Variants in RBM12B observed in about 807,000 individuals in gnomAD.
RBM12B encodes RNA binding motif protein 12B.
In RBM12B, 10 loss-of-function variants were observed where a neutral mutation model predicts 34.3. That is an observed-to-expected ratio of 0.29 (90% CI 0.18 to 0.49). The LOEUF (loss-of-function observed/expected upper bound fraction) is 0.49, where lower values mean the gene tolerates loss of function less well. RBM12B is among the 20% of genes least tolerant of loss of function. The pLI, the probability that RBM12B is intolerant of heterozygous loss-of-function variation, is 0.99. For missense variants in RBM12B, 1,139 were observed against 1,262.7 expected (o/e 0.90, Z 1.48); for synonymous variants, 477 against 437.1 (o/e 1.09, Z -1.14).
rs545458384 is a variant in RBM12B, at chr8:93,730,354, C to A, written c.*3051G>T. ...CACTCCTAACATGATTTTTACCTAT[C>A]TCTTGGTTGTGGGATTGACTTTCTA... On this transcript the variant is annotated 3_prime_UTR_variant, in exon 4 of 4. Coordinates refer to ENST00000520560, the MANE Select transcript of RBM12B (RefSeq NM_001377960.1). 4.6e-5 allele frequency: 7 copies of A among 152,080 alleles called. No individual in the cohort carries two copies. Among genetic ancestry groups the A allele is most frequent in the Non-Finnish European group, 1.0e-4 (7 of 68,024 alleles). 9.4% of individuals were successfully genotyped at this position (152,080 alleles called of 1,614,324 possible). A position where few individuals can be genotyped will look rare whatever the true frequency, so the allele number is the denominator to read the frequency against.
Position 93,728,204 on chromosome 8 carries a change from G to C in RBM12B, c.*5201C>G, listed in dbSNP as rs764816009. On this transcript the variant is annotated 3_prime_UTR_variant, in exon 4 of 4. Coordinates refer to ENST00000520560, the MANE Select transcript of RBM12B (RefSeq NM_001377960.1). ...TTAAAAAGTGTGTTAACTTTTAACA[G>C]GTATCCACTTGTCGACTAAGAAAGG... The C allele has an allele frequency of 1.3e-6, 2 of 1,559,998 alleles. No homozygotes were observed. The highest frequency in any genetic ancestry group is 1.3e-5 in the South Asian group (1 of 79,960).
rs1368943446 is a variant in RBM12B at position 93,735,417 on chromosome 8, T to C, written c.994A>G (p.Lys332Glu). The change falls in exon 4 of 4, where the codon AAG (lysine) becomes GAG (glutamate). Residue 332 changes from lysine to glutamate, a missense_variant. Physicochemically the swap from Lys to Glu is moderately conservative, Grantham distance 56 (BLOSUM62 1). Coordinates refer to ENST00000520560, the MANE Select transcript of RBM12B (RefSeq NM_001377960.1). ...NRTRYAFVMF[K>E]TLKDYNTALS... ...GCGGTATTATAGTCTTTCAGAGTCT[T>C]GAACATCACAAAGGCATATCTTGTT... 1 of 1,613,562 alleles carries C rather than the reference T, an allele frequency of 6.2e-7. No homozygotes were observed. Among genetic ancestry groups the C allele is most frequent in the Non-Finnish European group, 8.5e-7 (1 of 1,179,710 alleles).
chr8:93,737,008 C>T (rs1441081559), intron 3 of RBM12B, among the ~76,000 whole-genome samples: 2 of 152,152 alleles, frequency 1.3e-5, no homozygotes, highest in African/African-American at 4.8e-5. Context: ...GAGTTCAAGA[C>T]CAGCCTTGGC....
At position 93,732,547 on chromosome 8, in the gene RBM12B, T is replaced by C. The variant is rs1159427640; in HGVS notation, c.*858A>G. On this transcript the variant is annotated 3_prime_UTR_variant, in exon 4 of 4. Transcript: ENST00000520560. The stretch of plus-strand genomic sequence containing the variant: ...TCTTCCAGCATAAGCCTGAGTCCCC[T>C]TGCACCTATAATTAGATTCTTATTT... 1.3e-5 allele frequency: 2 copies of C among 152,216 alleles called. No individual in the cohort carries two copies. The highest frequency in any genetic ancestry group is 2.9e-5 in the Non-Finnish European group (2 of 68,040). The allele number at this position is 152,216 out of a possible 1,614,324, so 9.4% of individuals were successfully genotyped here. A position where few individuals can be genotyped will look rare whatever the true frequency, so the allele number is the denominator to read the frequency against.
rs1811999145 is a variant in RBM12B, at chr8:93,735,711, T to G, written c.700A>C (p.Ile234Leu). 6.2e-7 allele frequency: 1 copy of G among 1,614,034 alleles called. No individual in the cohort carries two copies. Among genetic ancestry groups the G allele is most frequent in the Non-Finnish European group, 8.5e-7 (1 of 1,180,038 alleles). Reference protein sequence around the residue: ...EVMQGSEQQWIEFGGNAVKEG... With the variant: ...EVMQGSEQQWLEFGGNAVKEG... ...TTAACTGCATTACCACCAAACTCAA[T>G]CCACTGTTGTTCTGATCCTTGCATT... The change falls in exon 4 of 4, where the codon ATT (isoleucine) becomes CTT (leucine). Residue 234 changes from isoleucine (I) to leucine (L), a missense_variant. Physicochemically the swap from Ile to Leu is conservative, Grantham distance 5. Around this residue, in one of 3 missense-constraint regions of RBM12B, gnomAD observed 216 missense variants for 292.2 expected, o/e 0.74. Transcript: ENST00000520560.
intron 2 of RBM12B, 120 bp from the exon 3 acceptor site, chr8:93,737,475 C>T (rs985424246): frequency 6.6e-6 from 1 of 152,120 alleles, no homozygotes; most frequent in Non-Finnish European, 1.5e-5. Flanking sequence ...TAAGGAACCA[C>T]AATTACGGGT....
rs1811805265 is a variant in RBM12B, at chr8:93,731,890, C to T, written c.*1515G>A. ...ATAGAAAGAAACTTTTAAAGTCACT[C>T]TTTTTTTTTTTATTAGTAATGTTAA... On this transcript the variant is annotated 3_prime_UTR_variant, in exon 4 of 4. Transcript: ENST00000520560. 1 of 146,232 alleles carries T rather than the reference C, an allele frequency of 6.8e-6. No individual in the cohort carries two copies. Among genetic ancestry groups the T allele is most frequent in the African/African-American group, 2.5e-5 (1 of 39,868 alleles). The allele number at this position is 146,232 out of a possible 1,614,324, so 9.1% of individuals were successfully genotyped here.
In RBM12B at chr8:93,728,320, A is replaced by G. The variant is rs765431779; in HGVS notation, c.*5085T>C. ...TAAACTACACATTTCCATTTTCATC[A>G]TAAATGACTTGAAATCCACAATGAC... is the stretch of plus-strand genomic sequence containing the variant. On this transcript the variant is annotated 3_prime_UTR_variant, in exon 4 of 4. Coordinates refer to ENST00000520560, the MANE Select transcript of RBM12B (RefSeq NM_001377960.1). 6.9e-7 allele frequency: 1 copy of G among 1,453,180 alleles called. No individual in the cohort carries two copies. Among genetic ancestry groups the G allele is most frequent in the South Asian group, 1.2e-5 (1 of 80,704 alleles). 90.0% of individuals were successfully genotyped at this position (1,453,180 alleles called of 1,614,324 possible). A position where few individuals can be genotyped will look rare whatever the true frequency, so the allele number is the denominator to read the frequency against.
In RBM12B at chr8:93,736,422, A is replaced by G. The variant is rs1001845687; in HGVS notation, c.-12T>C. The G allele has an allele frequency of 3.2e-6, 5 of 1,545,274 alleles. No homozygotes were observed. The African/African-American group carries it at 6.9e-5, about 21-fold the overall frequency. ...ATGACTACAGCCATGCTGAGCTCAA[A>G]CCACAGCAATAATGACCTGCAGACA... On this transcript the variant is annotated 5_prime_UTR_variant, in exon 4 of 4. Transcript: ENST00000520560.
In RBM12B at chr8:93,734,576, C is replaced by T. The variant is rs748632742; in HGVS notation, c.1835G>A (p.Arg612Lys). ...CCTCCAGTCCTCCTCCCTAGGGTGC[C>T]TGAAGTCATCCTCCGGAGGGCGCCT... ...DFRRPPEDDF[R>K]HPREEDWRRP... The change falls in exon 4 of 4, where the codon AGG becomes AAG. Residue 612 changes from arginine to lysine, a missense_variant. By Grantham distance (26) the Arg-to-Lys change is conservative. This residue lies in a region of RBM12B where 863 missense variants were observed against 869.5 expected (regional missense o/e 0.99). Coordinates refer to ENST00000520560, the MANE Select transcript of RBM12B (RefSeq NM_001377960.1). 1.1e-4 allele frequency: 170 copies of T among 1,613,538 alleles called. No homozygotes were observed. Among genetic ancestry groups the T allele is most frequent in the Non-Finnish European group, 1.4e-4 (166 of 1,179,840 alleles).
At chr8:93,738,070 T>C (rs910913978) in intron 2 of RBM12B, among the ~76,000 whole-genome samples, 3 of 152,148 alleles carry the variant, frequency 2.0e-5, no homozygotes, top group African/African-American at 7.2e-5. Context: ...TATAAACAGC[T>C]CATACATCCA....
Position 93,736,332 on chromosome 8 carries a change from T to C in RBM12B, c.79A>G (p.Thr27Ala), listed in dbSNP as rs1465987466. The change falls in exon 4 of 4, where the codon ACT becomes GCT. Residue 27 changes from threonine to alanine, a missense_variant. By Grantham distance (58) the Thr-to-Ala change is moderately conservative. This residue lies in a region of RBM12B where 216 missense variants were observed against 292.2 expected (regional missense o/e 0.74). Coordinates refer to ENST00000520560, the MANE Select transcript of RBM12B (RefSeq NM_001377960.1). ...ATATGCACTCCTCCATCAGGAATAG[T>C]CAATCCCGTGAAGAAGTGACGAATA... ...VDIRHFFTGL[T>A]IPDGGVHIIG... is the part of the protein sequence containing the mutation. The C allele has an allele frequency of 6.2e-7, 1 of 1,613,790 alleles. No homozygotes were observed. The highest frequency in any genetic ancestry group is 1.7e-5 in the Admixed American group (1 of 59,966).
rs1340125869 is a variant in RBM12B at position 93,731,757 on chromosome 8, TTA to T, written c.*1646_*1647del. The stretch of plus-strand genomic sequence containing the variant: ...ATCTGGATTACAGAACTGAGGAAAA[TTA>T]TGTTTTATGTAAATTATAAAAGGCC... On this transcript the variant is annotated 3_prime_UTR_variant, in exon 4 of 4. Coordinates refer to ENST00000520560, the MANE Select transcript of RBM12B (RefSeq NM_001377960.1). 3 of 152,602 alleles carry T rather than the reference TTA, an allele frequency of 2.0e-5. No individual in the cohort carries two copies. The highest frequency in any genetic ancestry group is 2.9e-5 in the Non-Finnish European group (2 of 68,036). The allele number at this position is 152,602 out of a possible 1,614,324, so 9.5% of individuals were successfully genotyped here.
chr8:93,735,395 G>C lies in RBM12B; in HGVS notation c.1016C>G (p.Thr339Ser). 1 of 1,613,084 alleles carries C rather than the reference G, an allele frequency of 6.2e-7. No individual in the cohort carries two copies. Among genetic ancestry groups the C allele is most frequent in the South Asian group, 1.1e-5 (1 of 91,066 alleles). ...AACAGTCTTATGTAAACTCAGAGCG[G>C]TATTATAGTCTTTCAGAGTCTTGAA... ...VMFKTLKDYN[T>S]ALSLHKTVLQ... Residue 339 changes from threonine (T) to serine (S), a missense_variant, in exon 4 of 4, where the codon ACC becomes AGC. By Grantham distance (58) the Thr-to-Ser change is moderately conservative. Coordinates refer to ENST00000520560, the MANE Select transcript of RBM12B (RefSeq NM_001377960.1).
Position 93,734,102 on chromosome 8 carries a change from T to C in RBM12B, c.2309A>G (p.His770Arg), listed in dbSNP as rs1206794098. Reference sequence around the variant, plus strand: ...GTGCTCCGGGGGCGGGCGCCTGAAATGCTCTGGGGGTGGCCGCCTGAAGTG... The same window carrying C: ...GTGCTCCGGGGGCGGGCGCCTGAAACGCTCTGGGGGTGGCCGCCTGAAGTG... Reference protein sequence around the residue: ...PEHFRRPPPEHFRRPPPEHFR... With the variant: ...PEHFRRPPPERFRRPPPEHFR... The change falls in exon 4 of 4, where the codon CAT becomes CGT. Residue 770 changes from histidine to arginine, a missense_variant. This residue lies in a region of RBM12B where 863 missense variants were observed against 869.5 expected (regional missense o/e 0.99). Transcript: ENST00000520560. 1.9e-6 allele frequency: 3 copies of C among 1,557,386 alleles called. No homozygotes were observed. The highest frequency in any genetic ancestry group is 2.4e-5 in the South Asian group (2 of 83,212).
Position 93,730,661 on chromosome 8 carries a change from C to A in RBM12B, c.*2744G>T. The A allele has an allele frequency of 6.6e-6, 1 of 152,242 alleles. No homozygotes were observed. The highest frequency in any genetic ancestry group is 3.4e-3 in the Middle Eastern group (1 of 296). The allele number at this position is 152,242 out of a possible 1,614,324, so 9.4% of individuals were successfully genotyped here. On this transcript the variant is annotated 3_prime_UTR_variant, in exon 4 of 4. Transcript: ENST00000520560. Reference sequence around the variant, plus strand: ...ATTCCTTGATTTGCTGCATTTATCACTTTCCATGGTGTAAAATACTCCTGC... The same window carrying A: ...ATTCCTTGATTTGCTGCATTTATCAATTTCCATGGTGTAAAATACTCCTGC...
In RBM12B at chr8:93,730,842, TATTC is replaced by T. The variant is rs1369093893; in HGVS notation, c.*2559_*2562del. On this transcript the variant is annotated 3_prime_UTR_variant, in exon 4 of 4. Transcript: ENST00000520560. ...TGATACATTATAGGGTAAAAGGAAA[TATTC>T]ATATAAATTAATTTAAAAATCAAAA... is the stretch of plus-strand genomic sequence containing the variant. 2 of 152,118 alleles carry T rather than the reference TATTC, an allele frequency of 1.3e-5. No individual in the cohort carries two copies. The highest frequency in any genetic ancestry group is 4.8e-5 in the African/African-American group (2 of 41,414). The allele number at this position is 152,118 out of a possible 1,614,324, so 9.4% of individuals were successfully genotyped here.
chr8:93,728,521 CCTT>C lies in RBM12B; in HGVS notation c.*4881_*4883del, dbSNP rs1423642689. 8.3e-6 allele frequency: 3 copies of C among 362,650 alleles called. No homozygotes were observed. The highest frequency in any genetic ancestry group is 1.5e-5 in the Non-Finnish European group (3 of 201,478). 22.5% of individuals were successfully genotyped at this position (362,650 alleles called of 1,614,324 possible). A position where few individuals can be genotyped will look rare whatever the true frequency, so the allele number is the denominator to read the frequency against. On this transcript the variant is annotated 3_prime_UTR_variant, in exon 4 of 4. Transcript: ENST00000520560. ...GTGTTACATGATTTTTGTGTAAGTG[CCTT>C]TTTTTTTAAAGATGGTGTATTTCAA...
Position 93,732,403 on chromosome 8 carries a change from TAG to T in RBM12B, c.*1000_*1001del, listed in dbSNP as rs1343822407. 1 of 152,222 alleles carries T rather than the reference TAG, an allele frequency of 6.6e-6. No homozygotes were observed. Among genetic ancestry groups the T allele is most frequent in the Non-Finnish European group, 1.5e-5 (1 of 68,050 alleles). 9.4% of individuals were successfully genotyped at this position (152,222 alleles called of 1,614,324 possible). ...TCAACCACACAAGTCTTAACAGTTATAGAGTCTTTGCATGGACACAGTTTCGA... is the reference window on the plus strand; with the variant it reads ...TCAACCACACAAGTCTTAACAGTTATAGTCTTTGCATGGACACAGTTTCGA... On this transcript the variant is annotated 3_prime_UTR_variant, in exon 4 of 4. Transcript: ENST00000520560.
Sources: gnomAD v4.1 joint callset for allele counts (sites outside exome capture counted in the v4.1 genomes callset) on GRCh38, gnomAD v4.1.1 for gene constraint, gnomAD v4.1.1 regional missense constraint, MANE v1.5 for transcripts, NCBI Gene and HGNC (gene_info 2026-07-23, HGNC 2026-07-21) for gene names.